The following ZNF285 variants were observed in gnomAD, a reference collection of about 807,000 sequenced individuals.
The protein encoded by ZNF285 is zinc finger protein 285, also known as zinc finger protein 285A.
In ZNF285, 4 loss-of-function variants were observed where a neutral mutation model predicts 6.2. The observed-to-expected ratio is 0.65, with a 90% CI of 0.32 to 1.49. ZNF285 has a LOEUF of 1.49. ZNF285 is among the 40% of genes most tolerant of loss of function. The probability of loss-of-function intolerance (pLI) is 0.07; values close to 1 mark genes in which losing one functional copy is unlikely to be tolerated. For missense variants in ZNF285, 695 were observed against 708.8 expected (o/e 0.98, Z 0.22); for synonymous variants, 240 against 245.8 (o/e 0.98, Z 0.22).
At position 44,390,382 on chromosome 19, in the gene ZNF285, G is replaced by C. The variant is rs111715089; in HGVS notation, c.142+1958C>G. 4.6e-5 allele frequency among the ~76,000 whole-genome samples: 7 copies of C among 152,256 alleles called. 1 individual carries two copies. Among genetic ancestry groups the C allele is most frequent in the African/African-American group, 1.7e-4 (7 of 41,496 alleles). ...AAAGGAGATCACTTTTGACTTTTAA[G>C]ATTTGACTGCCCTGTTGGATTTCAG... is the stretch of plus-strand genomic sequence containing the variant. On this transcript the variant is annotated intron_variant, in intron 3 of 3. Coordinates refer to ENST00000614994, the MANE Select transcript of ZNF285 (RefSeq NM_152354.6).
chr19:44,394,907 AAT>A (rs1971255277), intron 2 of ZNF285, among the ~76,000 whole-genome samples: 1 of 152,166 alleles, frequency 6.6e-6, no homozygotes, highest in Admixed American at 6.5e-5. Flanking sequence ...AACAAAATTG[AAT>A]TGGAGATAAT....
chr19:44,398,602 G>A (rs1323594206), intron 1 of ZNF285, among the ~76,000 whole-genome samples: 3 of 152,126 alleles, frequency 2.0e-5, no homozygotes, highest in Admixed American at 2.0e-4. Context: ...GCTATCACTA[G>A]CTCTGAAATA....
intron 2 of ZNF285, chr19:44,394,607 G>T (rs1031053128): frequency 1.9e-6 from 1 of 529,022 alleles, no homozygotes; most frequent in Admixed American, 3.6e-5. Flanking sequence ...TCCTCATCAA[G>T]AAACCAATTT....
intron 1 of ZNF285, among the ~76,000 whole-genome samples, chr19:44,398,513 C>T (rs904736639): frequency 1.3e-5 from 2 of 152,156 alleles, no homozygotes; most frequent in Non-Finnish European, 2.9e-5. Flanking sequence ...AGGCAGCTGT[C>T]ATCCCATAAA....
intron 2 of ZNF285, 26 bp from the exon 3 acceptor site, chr19:44,392,492 C>G: frequency 6.2e-7 from 1 of 1,613,700 alleles, no homozygotes; most frequent in East Asian, 2.2e-5. Flanking sequence ...CATGCCACGT[C>G]AATCATCCAC....
rs748067717 is a variant in ZNF285 at position 44,386,524 on chromosome 19, C to T, written c.1721G>A (p.Gly574Glu). The T allele has an allele frequency of 1.2e-6, 2 of 1,613,908 alleles. No individual in the cohort carries two copies. ...DETQYTHCERGKDLLTHQRLH... is the reference protein window; with the variant it reads ...DETQYTHCEREKDLLTHQRLH... ...TCTTTGATGAGTCAGAAGGTCCTTT[C>T]CACGCTCACAGTGTGTGTACTGTGT... The change falls in exon 4 of 4, where the codon GGA (glycine) becomes GAA (glutamate). Residue 574 changes from glycine to glutamate, a missense_variant. By Grantham distance (98) the Gly-to-Glu change is moderately conservative. Coordinates refer to ENST00000614994, the MANE Select transcript of ZNF285 (RefSeq NM_152354.6).
rs189861587 is a variant in ZNF285 at position 44,396,332 on chromosome 19, A to C, written c.15+867T>G. Among the ~76,000 whole-genome samples the C allele has an allele frequency of 1.1e-4, 16 of 152,118 alleles. No homozygotes were observed. The East Asian group carries it at 2.9e-3, about 27-fold the overall frequency. On this transcript the variant is annotated intron_variant, in intron 2 of 3. Transcript: ENST00000614994. Reference sequence around the variant, plus strand: ...ATTTGCTCTTTTTGTGTATTTTCATAATTAATTTTTTTCATGATTAAAAGA... The same window carrying C: ...ATTTGCTCTTTTTGTGTATTTTCATCATTAATTTTTTTCATGATTAAAAGA...
Position 44,386,958 on chromosome 19 carries a change from C to T in ZNF285, c.1287G>A (p.Arg429=), listed in dbSNP as rs1486503556. The part of the protein sequence containing the change: ...WRFHTGEKPY[R]CGECGKGFSQ... ...TGAAGCCCTTTCCACACTCACCACACCTATATGGTTTCTCCCCTGTGTGAA... is the reference window on the plus strand; with the variant it reads ...TGAAGCCCTTTCCACACTCACCACATCTATATGGTTTCTCCCCTGTGTGAA... The change falls in exon 4 of 4, where the codon AGG becomes AGA. Residue 429 remains arginine (R), a synonymous_variant. Transcript: ENST00000614994. 1.2e-6 allele frequency: 2 copies of T among 1,613,840 alleles called. No homozygotes were observed. The highest frequency in any genetic ancestry group is 1.7e-5 in the Admixed American group (1 of 59,986).
At position 44,387,375 on chromosome 19, in the gene ZNF285, G is replaced by T; in HGVS notation, c.870C>A (p.Phe290Leu). Residue 290 changes from phenylalanine (F) to leucine (L), a missense_variant, in exon 4 of 4, where the codon TTC becomes TTA. Phe to Leu is a conservative substitution (Grantham distance 22). Transcript: ENST00000614994. ...KTHSGKTPYE[F>L]HEWPMGCKQS... ...GTTTGCAGCCCATAGGCCATTCGTG[G>T]AATTCATAGGGAGTCTTGCCAGAGT... 1 of 1,614,134 alleles carries T rather than the reference G, an allele frequency of 6.2e-7. No homozygotes were observed. Among genetic ancestry groups the T allele is most frequent in the South Asian group, 1.1e-5 (1 of 91,088 alleles).
In ZNF285 at chr19:44,382,717, T is replaced by C. The variant is rs1437740569; in HGVS notation, c.*3755A>G. On this transcript the variant is annotated 3_prime_UTR_variant, in exon 4 of 4. Transcript: ENST00000614994. ...CACCTCACCGCTATGTTTTTATCCT[T>C]CTTAAAGAGCAATTGTGAAGGCATC... 3.3e-5 allele frequency: 5 copies of C among 152,150 alleles called. No individual in the cohort carries two copies. Among genetic ancestry groups the C allele is most frequent in the Admixed American group, 2.6e-4 (4 of 15,274 alleles). The allele number at this position is 152,150 out of a possible 1,614,324, so 9.4% of individuals were successfully genotyped here.
At chr19:44,395,410 A>G (rs1971264381) in intron 2 of ZNF285, among the ~76,000 whole-genome samples, 1 of 152,164 alleles carries the variant, frequency 6.6e-6, no homozygotes, top group Non-Finnish European at 1.5e-5. Flanking sequence ...GCAGGAGAGA[A>G]TAAAGTAGAG....
chr19:44,399,461 A>G (rs1338589660), intron 1 of ZNF285, among the ~76,000 whole-genome samples: 1 of 147,270 alleles, frequency 6.8e-6, no homozygotes, highest in Non-Finnish European at 1.5e-5. Flanking sequence ...TCATTTAACA[A>G]GCACTCAATC....
Position 44,387,175 on chromosome 19 carries a change from G to A in ZNF285, c.1070C>T (p.Ser357Leu). The change falls in exon 4 of 4, where the codon TCA (serine) becomes TTA (leucine). Residue 357 changes from serine to leucine, a missense_variant. By Grantham distance (145) the Ser-to-Leu change is moderately radical. Coordinates refer to ENST00000614994, the MANE Select transcript of ZNF285 (RefSeq NM_152354.6). ...TACTCCCTGATGAATACAAAGAAGT[G>A]ACCTAAATCCAAACCCTTTCCCACA... Reference protein sequence around the residue: ...DECGKGFGFRSLLCIHQGVHT... With the variant: ...DECGKGFGFRLLLCIHQGVHT... 1 of 1,613,982 alleles carries A rather than the reference G, an allele frequency of 6.2e-7. No homozygotes were observed.
rs181625417 is a variant in ZNF285 at position 44,385,069 on chromosome 19, G to A, written c.*1403C>T. The A allele has an allele frequency of 2.8e-4, 40 of 145,024 alleles. No homozygotes were observed. The highest frequency in any genetic ancestry group is 9.5e-4 in the African/African-American group (37 of 38,844). 9.0% of individuals were successfully genotyped at this position (145,024 alleles called of 1,614,324 possible). On this transcript the variant is annotated 3_prime_UTR_variant, in exon 4 of 4. Transcript: ENST00000614994. ...ATTCATCTATTATCCCCAATTAAAT[G>A]ACAAATTTGGGGGGAAACTGACAGA...
chr19:44,390,869 T>A (rs907122644), intron 3 of ZNF285, among the ~76,000 whole-genome samples: 1 of 151,648 alleles, frequency 6.6e-6, no homozygotes, highest in Admixed American at 6.6e-5. Context: ...AAAAGGGGAG[T>A]TTCCAGCTGG....
In ZNF285 at chr19:44,392,359, G is replaced by A. The variant is rs1157583940; in HGVS notation, c.123C>T (p.Phe41=). Residue 41 remains phenylalanine, a synonymous_variant, in exon 3 of 4, where the codon TTC becomes TTT. Coordinates refer to ENST00000614994, the MANE Select transcript of ZNF285 (RefSeq NM_152354.6). Reference sequence around the variant, plus strand: ...ACTCACTCACTAACATGAGGTTCCTGAAGTTTTCCAGCATCACATCTTGGT... The same window carrying A: ...ACTCACTCACTAACATGAGGTTCCTAAAGTTTTCCAGCATCACATCTTGGT... The part of the protein sequence containing the change: ...NLYQDVMLEN[F]RNLMLVRDGI... 44 of 1,613,748 alleles carry A rather than the reference G, an allele frequency of 2.7e-5. No individual in the cohort carries two copies. In the East Asian group the frequency reaches 9.8e-4, roughly 36 times the overall value.
rs189924919 is a variant in ZNF285, at chr19:44,395,149, C to T, written c.15+2050G>A. Among the ~76,000 whole-genome samples the T allele has an allele frequency of 4.4e-4, 67 of 152,228 alleles. No homozygotes were observed. The East Asian group carries it at 0.012, about 28-fold the overall frequency. ...TAGGATGCAGATACAAGGACAGCCC[C>T]AAAATATTAAGAAACCAAATTTATA... On this transcript the variant is annotated intron_variant, in intron 2 of 3. Transcript: ENST00000614994.
At chr19:44,394,450 A>G (rs1162063052) in intron 2 of ZNF285, 2 of 481,728 alleles carry the variant, frequency 4.2e-6, no homozygotes, top group African/African-American at 4.0e-5. Context: ...ATTGGGTATT[A>G]TGCTGATTAC....
Position 44,385,395 on chromosome 19 carries a change from T to C in ZNF285, c.*1077A>G, listed in dbSNP as rs1019543781. The stretch of plus-strand genomic sequence containing the variant: ...GTAAAGTTTTACCACAGCTATATCA[T>C]CTGGAACATTTCTCTTTGGTGTACT... On this transcript the variant is annotated 3_prime_UTR_variant, in exon 4 of 4. Coordinates refer to ENST00000614994, the MANE Select transcript of ZNF285 (RefSeq NM_152354.6). The C allele has an allele frequency of 6.6e-6, 1 of 152,172 alleles. No homozygotes were observed. Among genetic ancestry groups the C allele is most frequent in the Non-Finnish European group, 1.5e-5 (1 of 68,040 alleles). 9.4% of individuals were successfully genotyped at this position (152,172 alleles called of 1,614,324 possible).
Sources: allele counts gnomAD v4.1 joint callset (sites outside exome capture counted in the v4.1 genomes callset), GRCh38; gene constraint gnomAD v4.1.1; transcripts MANE v1.5; gene names NCBI Gene and HGNC (gene_info 2026-07-23, HGNC 2026-07-21).